HNRNPA3: variants seen among roughly 807,000 people sequenced by gnomAD.
The protein encoded by HNRNPA3 is epididymis secretory sperm binding protein.
Under a neutral mutation model 45.8 loss-of-function variants are expected in HNRNPA3, and 3 were observed. That is an observed-to-expected ratio of 0.07 (90% confidence interval 0.03 to 0.17). The LOEUF (loss-of-function observed/expected upper bound fraction) is 0.17, where lower values mean the gene tolerates loss of function less well. Among genes scored for constraint, HNRNPA3 ranks in the 10% least tolerant of loss-of-function variants. The probability of loss-of-function intolerance (pLI) is 1.00; values close to 1 mark genes in which losing one functional copy is unlikely to be tolerated. For synonymous variants in HNRNPA3, 170 were observed against 155.6 expected (o/e 1.09, Z -0.69); for missense variants, 183 against 480.3 (o/e 0.38, Z 5.79).
intron 10 of HNRNPA3, 38 bp from the exon 11 acceptor site, chr2:177,219,368 ACT>A: frequency 1.5e-6 from 2 of 1,306,238 alleles, no homozygotes; most frequent in Non-Finnish European, 2.2e-6. Flanking sequence ...GGAACTGTTC[ACT>A]GAGTGTAATA....
exon 11 of HNRNPA3, chr2:177,219,801 T>G (rs1689111022): frequency 6.5e-6 from 1 of 152,822 alleles, no homozygotes; most frequent in African/African-American, 2.4e-5. Flanking sequence ...TCAGTTTTTC[T>G]ACATTTTAGT....
At position 177,214,325 on chromosome 2, in the gene HNRNPA3, T is replaced by C. The variant is rs1239038129; in HGVS notation, c.73-1214T>C. ...TTGTAAATTGCAGATTTTTGCAGCA[T>C]ATAACAAACATGGGTTATAGAAAGC... On this transcript the variant is annotated intron_variant, in intron 1 of 10. Coordinates refer to ENST00000392524, the Ensembl canonical transcript of HNRNPA3. Among the ~76,000 whole-genome samples, 3 of 152,260 alleles carry C rather than the reference T, an allele frequency of 2.0e-5. No individual in the cohort carries two copies. The East Asian group carries it at 5.8e-4, about 29-fold the overall frequency.
intron 7 of HNRNPA3, among the ~76,000 whole-genome samples, 155 bp downstream of exon 7, chr2:177,217,095 C>G (rs370841766): frequency 2.0e-5 from 3 of 152,076 alleles, no homozygotes; most frequent in African/African-American, 7.2e-5. Flanking sequence ...AACCCTTTTT[C>G]CCCTGGAGAG....
chr2:177,217,051 A>C (rs1457844218), intron 7 of HNRNPA3, 111 bp downstream of exon 7: 3 of 1,178,294 alleles, frequency 2.5e-6, no homozygotes, highest in Non-Finnish European at 3.5e-6. Context: ...TAAATGGTTA[A>C]GGTGTATTTC....
chr2:177,212,886 G>T lies in HNRNPA3; in HGVS notation c.72+15G>T. On this transcript the variant is annotated intron_variant, in intron 1 of 10. Coordinates refer to ENST00000392524, the Ensembl canonical transcript of HNRNPA3. ...GGGGGGAGGAGGTATTAGGGGGAGA[G>T]CGGGGGGTTGGTGGGGAATGGCCGG... 6.9e-7 allele frequency: 1 copy of T among 1,445,986 alleles called. No homozygotes were observed. The allele number at this position is 1,445,986 out of a possible 1,614,324, so 89.6% of individuals were successfully genotyped here.
At chr2:177,222,760 G>C (rs1328281272), downstream of HNRNPA3, 1 of 152,622 alleles carries the variant, frequency 6.6e-6, no homozygotes, top group African/African-American at 2.4e-5. Flanking sequence ...CTGTATTCCA[G>C]CCTGGGTGAC....
At chr2:177,218,172 C>G (rs1470625996) in intron 8 of HNRNPA3, among the ~76,000 whole-genome samples, 2 of 150,390 alleles carry the variant, frequency 1.3e-5, no homozygotes, top group Non-Finnish European at 2.9e-5. Flanking sequence ...TGCGATTCTC[C>G]TGCCTCAGCC....
intron 1 of HNRNPA3, among the ~76,000 whole-genome samples, chr2:177,214,675 GTCCCAGCTAC>G (rs1453966747): frequency 6.6e-6 from 1 of 152,168 alleles, no homozygotes; most frequent in East Asian, 1.9e-4. Flanking sequence ...GGCGCCCGTA[GTCCCAGCTAC>G]TCGGGAGGCT....
chr2:177,215,966 C>A lies in HNRNPA3; in HGVS notation c.343-12C>A. The A allele has an allele frequency of 6.2e-7, 1 of 1,601,274 alleles. No individual in the cohort carries two copies. Among genetic ancestry groups the A allele is most frequent in the Non-Finnish European group, 8.5e-7 (1 of 1,176,204 alleles). On this transcript the variant is annotated splice_polypyrimidine_tract_variant and intron_variant, in intron 3 of 10. Coordinates refer to ENST00000392524, the Ensembl canonical transcript of HNRNPA3. ...GTTTGTTTCTTGACTTAATATATTA[C>A]TTTATTTGTAGGATTCTGTAAAGCC...
chr2:177,217,722 G>A (rs776765469), exon 8 of HNRNPA3: 1 of 1,612,838 alleles, frequency 6.2e-7, no homozygotes, highest in Admixed American at 1.7e-5. Context: ...CTATGGCGGT[G>A]GTCCTGGTTA....
intron 1 of HNRNPA3, among the ~76,000 whole-genome samples, chr2:177,214,576 A>G (rs1345760381): frequency 2.0e-5 from 3 of 152,196 alleles, no homozygotes; most frequent in Non-Finnish European, 4.4e-5. Context: ...CGGGCGGATC[A>G]CGAGGTCAGG....
At chr2:177,212,854 C>T in exon 1 of HNRNPA3, 2 of 1,536,408 alleles carry the variant, frequency 1.3e-6, no homozygotes, top group South Asian at 1.2e-5. Context: ...CCGTCGCCGT[C>T]GCCGCCGGGG....
intron 9 of HNRNPA3, 28 bp from the exon 10 acceptor site, chr2:177,219,219 T>G: frequency 6.2e-7 from 1 of 1,611,894 alleles, no homozygotes; most frequent in Non-Finnish European, 8.5e-7. Flanking sequence ...TGTGCATACT[T>G]CTTTTAAAAT....
downstream of HNRNPA3, chr2:177,220,111 GAAA>G (rs1234500751): frequency 1.3e-5 from 2 of 152,242 alleles, no homozygotes; most frequent in African/African-American, 4.8e-5. Context: ...ACCTTCAAAT[GAAA>G]AAAAATCTCA....
At chr2:177,212,937 C>CGGGGAGGCCGG (rs1688744484) in intron 1 of HNRNPA3, 66 bp downstream of exon 1, 1 of 1,060,590 alleles carries the variant, frequency 9.4e-7, no homozygotes, top group South Asian at 1.8e-5. Context: ...TCGGTGGGAG[C>CGGGGAGGCCGG]GGGGAGGCCG....
chr2:177,217,852 A>G lies in HNRNPA3; in HGVS notation c.961+7A>G. 1.3e-6 allele frequency: 2 copies of G among 1,560,670 alleles called. No homozygotes were observed. Among genetic ancestry groups the G allele is most frequent in the Non-Finnish European group, 8.6e-7 (1 of 1,156,222 alleles). On this transcript the variant is annotated splice_region_variant and intron_variant, in intron 8 of 10. Coordinates refer to ENST00000392524, the Ensembl canonical transcript of HNRNPA3. ...GGAGGAAATTTTGGCGGTGGTAAGCATTCACTTGTTTTATTTAAATGTTAA... is the reference window on the plus strand; with the variant it reads ...GGAGGAAATTTTGGCGGTGGTAAGCGTTCACTTGTTTTATTTAAATGTTAA...
At chr2:177,218,806 A>C (rs1239840909) in intron 8 of HNRNPA3, among the ~76,000 whole-genome samples, 1 of 152,224 alleles carries the variant, frequency 6.6e-6, no homozygotes, top group African/African-American at 2.4e-5. Context: ...AACACTGGCA[A>C]TTTTAATGGT....
chr2:177,212,951 G>A (rs1051572998), intron 1 of HNRNPA3, 80 bp downstream of exon 1: 323 of 970,470 alleles, frequency 3.3e-4, no homozygotes, highest in Non-Finnish European at 4.2e-4. Flanking sequence ...GAGGCCGGGT[G>A]GACCGGGTCG....
chr2:177,219,275 T>G, exon 10 of HNRNPA3: 6 of 1,613,746 alleles, frequency 3.7e-6, no homozygotes, highest in Non-Finnish European at 5.1e-6. Context: ...GTGGAAGTGG[T>G]GGATATGGTA....
Sources: allele counts gnomAD v4.1 joint callset (sites outside exome capture counted in the v4.1 genomes callset), GRCh38; gene constraint gnomAD v4.1.1; transcripts MANE v1.5; gene names NCBI Gene and HGNC (gene_info 2026-07-23, HGNC 2026-07-21).